Variants in BNIP5 observed in about 807,000 individuals in gnomAD.
The protein encoded by BNIP5 is BCL2 interacting protein 5.
A neutral mutation model predicts 67.3 loss-of-function variants in BNIP5; 61 were observed. That is an observed-to-expected ratio of 0.91 (90% CI 0.74 to 1.12). The LOEUF is 1.12. Among genes scored for constraint, BNIP5 ranks in the 50% most tolerant of loss-of-function variants. BNIP5 has a pLI of 0.00. For missense variants in BNIP5, 826 were observed against 816.3 expected, an observed-to-expected ratio of 1.01 and a Z score of -0.14; for synonymous variants, 317 against 319.0, an observed-to-expected ratio of 0.99 and a Z score of 0.07.
rs35557075 is a variant in BNIP5, at chr6:36,324,000, CAAAA to C, written c.1230+125_1230+128del. The stretch of plus-strand genomic sequence containing the variant: ...GGGCGACAGAGCAAGACTCCGTCTC[CAAAA>C]AAAAAAAAAAAGGAGGGACTGGAGC... On this transcript the variant is annotated intron_variant, in intron 7 of 11. Transcript: ENST00000437635. 1,893 of 595,760 alleles carry C rather than the reference CAAAA, an allele frequency of 3.2e-3. 3 individuals are homozygous for C. The highest frequency in any genetic ancestry group is 4.7e-3 in the Non-Finnish European group (1,598 of 342,848). 36.9% of individuals were successfully genotyped at this position (595,760 alleles called of 1,614,324 possible). A position where few individuals can be genotyped will look rare whatever the true frequency, so the allele number is the denominator to read the frequency against.
At chr6:36,323,721 C>T (rs1047677173) in intron 7 of BNIP5, among the ~76,000 whole-genome samples, 188 bp from the exon 8 acceptor site, 17 of 151,928 alleles carry the variant, frequency 1.1e-4, no homozygotes, top group African/African-American at 3.9e-4. Context: ...GGACTGGGTC[C>T]GGGTGCAGTG....
At chr6:36,331,377 C>T (rs1771903161) in intron 1 of BNIP5, among the ~76,000 whole-genome samples, 1 of 152,190 alleles carries the variant, frequency 6.6e-6, no homozygotes. Context: ...GGGACTTCTC[C>T]AGAACTGCAT....
intron 9 of BNIP5, 87 bp downstream of exon 9, chr6:36,322,224 A>T: frequency 6.5e-7 from 1 of 1,544,410 alleles, no homozygotes; most frequent in Non-Finnish European, 8.9e-7. Context: ...TTCCTTCCTC[A>T]GAACCATCCC....
intron 5 of BNIP5, 82 bp from the exon 6 acceptor site, chr6:36,325,496 G>A: frequency 6.7e-7 from 1 of 1,487,282 alleles, no homozygotes; most frequent in Non-Finnish European, 9.1e-7. Flanking sequence ...CAAACTAAAA[G>A]TGGGCTCCGT....
chr6:36,323,166 C>T, intron 8 of BNIP5, 127 bp downstream of exon 8: 2 of 1,350,088 alleles, frequency 1.5e-6, no homozygotes, highest in South Asian at 2.7e-5. Context: ...CATGGAAAGA[C>T]ACAGTCAGGG....
intron 1 of BNIP5, among the ~76,000 whole-genome samples, chr6:36,334,490 G>C (rs1428884810): frequency 1.3e-5 from 2 of 152,084 alleles, no homozygotes; most frequent in African/African-American, 4.8e-5. Flanking sequence ...GGCTGTGACT[G>C]TCCTCAGTCC....
At chr6:36,325,171 G>T in intron 6 of BNIP5, 112 bp downstream of exon 6, 1 of 1,192,826 alleles carries the variant, frequency 8.4e-7, no homozygotes, top group Non-Finnish European at 1.2e-6. Flanking sequence ...TGTACTCAGA[G>T]GGAGGTCTGG....
At position 36,330,573 on chromosome 6, in the gene BNIP5, G is replaced by A. The variant is rs763706321; in HGVS notation, c.118C>T (p.Pro40Ser). The change falls in exon 2 of 12, where the codon CCC becomes TCC. Residue 40 changes from proline to serine, a missense_variant. By Grantham distance (74) the Pro-to-Ser change is moderately conservative (BLOSUM62 -1). Coordinates refer to ENST00000437635, the MANE Select transcript of BNIP5 (RefSeq NM_001010903.5). ...ESWDCHWLSL[P>S]TAPSRKALHW... Reference sequence around the variant, plus strand: ...AGCGCCTTCCTGGAGGGGGCAGTGGGCAGGGAGAGCCAATGGCAGTCCCAC... The same window carrying A: ...AGCGCCTTCCTGGAGGGGGCAGTGGACAGGGAGAGCCAATGGCAGTCCCAC... The A allele has an allele frequency of 6.2e-6, 10 of 1,613,418 alleles. No individual in the cohort carries two copies. In the African/African-American group the frequency reaches 9.3e-5, roughly 15 times the overall value.
intron 6 of BNIP5, 39 bp from the exon 7 acceptor site, chr6:36,324,229 C>G (rs902740627): frequency 6.4e-7 from 1 of 1,568,682 alleles, no homozygotes; most frequent in Non-Finnish European, 8.8e-7. Context: ...TTTGGTGCTA[C>G]GAAATCTCTT....
chr6:36,335,180 C>T (rs1771986701), intron 1 of BNIP5, among the ~76,000 whole-genome samples: 1 of 152,204 alleles, frequency 6.6e-6, no homozygotes, highest in Non-Finnish European at 1.5e-5. Flanking sequence ...GTGTTGTTTA[C>T]TTTCTAAGTT....
intron 10 of BNIP5, among the ~76,000 whole-genome samples, chr6:36,320,807 G>T (rs993753257): frequency 6.6e-6 from 1 of 152,214 alleles, no homozygotes; most frequent in African/African-American, 2.4e-5. Flanking sequence ...GGCGGGTGGG[G>T]CCAGGAGTGG....
chr6:36,326,419 A>G lies in BNIP5; in HGVS notation c.1036+91T>C, dbSNP rs911958570. 11 of 1,522,974 alleles carry G rather than the reference A, an allele frequency of 7.2e-6. No homozygotes were observed. In the African/African-American group the frequency reaches 1.4e-4, roughly 19 times the overall value. 94.3% of individuals were successfully genotyped at this position (1,522,974 alleles called of 1,614,324 possible). ...GCAAAAGTCAGACCAGGCACAACGC[A>G]ACCTTTAAAATGGTCAATTCCATCC... On this transcript the variant is annotated intron_variant, in intron 5 of 11. Coordinates refer to ENST00000437635, the MANE Select transcript of BNIP5 (RefSeq NM_001010903.5).
At chr6:36,326,882 AG>A (rs1771775724) in intron 4 of BNIP5, 129 bp from the exon 5 acceptor site, 2 of 1,452,008 alleles carry the variant, frequency 1.4e-6, no homozygotes, top group South Asian at 2.3e-5. Context: ...AGCCCAGAGC[AG>A]GGGGAGGGCT....
At position 36,326,729 on chromosome 6, in the gene BNIP5, C is replaced by A. The variant is rs757455521; in HGVS notation, c.817G>T (p.Val273Leu). Reference protein sequence around the residue: ...EEQSLASQLGVALPNPAPAVR... With the variant: ...EEQSLASQLGLALPNPAPAVR... ...GCTGGTGCTGGGTTTGGCAGGGCCA[C>A]CCCCAGCTGTGAGGCCAGAGATTGC... The change falls in exon 5 of 12, where the codon GTG (valine) becomes TTG (leucine). Residue 273 changes from valine (V) to leucine (L), a missense_variant. By Grantham distance (32) the Val-to-Leu change is conservative. Transcript: ENST00000437635. 14 of 1,613,984 alleles carry A rather than the reference C, an allele frequency of 8.7e-6. No individual in the cohort carries two copies. The South Asian group carries it at 9.9e-5, about 11-fold the overall frequency.
chr6:36,323,198 C>G, intron 8 of BNIP5, 95 bp downstream of exon 8: 1 of 1,514,420 alleles, frequency 6.6e-7, no homozygotes, highest in Non-Finnish European at 9.0e-7. Flanking sequence ...AGTGGACATC[C>G]TCCACTATGC....
chr6:36,321,290 G>A, intron 9 of BNIP5, 71 bp from the exon 10 acceptor site: 1 of 1,101,168 alleles, frequency 9.1e-7, no homozygotes, highest in Non-Finnish European at 1.4e-6. Flanking sequence ...AAAACAAAGT[G>A]CTGCAACAAT....
At position 36,317,010 on chromosome 6, in the gene BNIP5, T is replaced by C. The variant is rs1582118433; in HGVS notation, c.*346A>G. 4.6e-6 allele frequency: 2 copies of C among 434,358 alleles called. No homozygotes were observed. The highest frequency in any genetic ancestry group is 8.1e-6 in the Non-Finnish European group (2 of 247,646). 26.9% of individuals were successfully genotyped at this position (434,358 alleles called of 1,614,324 possible). ...ACATGAACATCTGAGAAAATATCAGTAGGCCTTCTGGGTGGGATCCTAGAC... is the reference window on the plus strand; with the variant it reads ...ACATGAACATCTGAGAAAATATCAGCAGGCCTTCTGGGTGGGATCCTAGAC... On this transcript the variant is annotated 3_prime_UTR_variant, in exon 12 of 12. Transcript: ENST00000437635.
At chr6:36,318,547 C>CAA (rs77618541) in intron 11 of BNIP5, among the ~76,000 whole-genome samples, 43 of 130,298 alleles carry the variant, frequency 3.3e-4, no homozygotes, top group African/African-American at 1.2e-3. Flanking sequence ...ATCTCTATAC[C>CAA]AAAAAAAAAA....
chr6:36,326,112 A>C (rs985731656), intron 5 of BNIP5, among the ~76,000 whole-genome samples: 1 of 152,210 alleles, frequency 6.6e-6, no homozygotes, highest in Non-Finnish European at 1.5e-5. Context: ...AGGTGAAGAA[A>C]TTGAGGCACA....
Sources: allele counts gnomAD v4.1 joint callset (sites outside exome capture counted in the v4.1 genomes callset), GRCh38; gene constraint gnomAD v4.1.1; transcripts MANE v1.5; gene names NCBI Gene and HGNC (gene_info 2026-07-23, HGNC 2026-07-21).